Variants in CDH18 observed in about 807,000 individuals in gnomAD.
CDH18 encodes cadherin 18, also known as cadherin-18.
A neutral mutation model predicts 67.9 loss-of-function variants in CDH18; 31 were observed. The ratio of observed to expected loss-of-function variants is 0.46; its 90% CI spans 0.34 to 0.62. CDH18 has a LOEUF of 0.62. Among genes scored for constraint, CDH18 ranks in the 20% least tolerant of loss-of-function variants. The pLI is 0.01. For missense variants in CDH18, 890 were observed against 975.5 expected (o/e 0.91, Z 1.17); for synonymous variants, 362 against 347.2 (o/e 1.04, Z -0.48).
intron 2 of CDH18, among the ~76,000 whole-genome samples, chr5:20,246,150 T>C (rs190809391): frequency 1.3e-5 from 2 of 152,308 alleles, no homozygotes; most frequent in East Asian, 3.9e-4. Flanking sequence ...CAGTTTGTCT[T>C]TGAGTTAATT....
At chr5:20,323,772 G>T (rs1738268685) in intron 1 of CDH18, among the ~76,000 whole-genome samples, 1 of 152,148 alleles carries the variant, frequency 6.6e-6, no homozygotes, top group Non-Finnish European at 1.5e-5. Flanking sequence ...CTGCTGTTCT[G>T]AACATGTTTT....
At chr5:19,542,268 CAT>C (rs1398745024) in intron 9 of CDH18, among the ~76,000 whole-genome samples, 4 of 152,034 alleles carry the variant, frequency 2.6e-5, no homozygotes, top group Admixed American at 2.6e-4. Flanking sequence ...AATAAAAAGA[CAT>C]ATAGTAACAA....
chr5:20,471,833 T>TTAAAAAAAAAAAAAA (rs757184101), intron 1 of CDH18, among the ~76,000 whole-genome samples: 8 of 51,486 alleles, frequency 1.6e-4, no homozygotes, highest in African/African-American at 5.2e-4. Flanking sequence ...AGATTCAGTC[T>TTAAAAAAAAAAAAAA]AAAAAAAAAA....
chr5:19,485,745 A>G (rs774177358), intron 11 of CDH18, among the ~76,000 whole-genome samples: 1 of 152,192 alleles, frequency 6.6e-6, no homozygotes, highest in African/African-American at 2.4e-5. Flanking sequence ...AATGTGTGAA[A>G]TAAGTATTCA....
At chr5:19,640,380 G>A (rs1271851600) in intron 5 of CDH18, among the ~76,000 whole-genome samples, 1 of 152,084 alleles carries the variant, frequency 6.6e-6, no homozygotes, top group East Asian at 1.9e-4. Flanking sequence ...TTGAAATTAA[G>A]TTTTCATCAA....
intron 1 of CDH18, chr5:20,305,656 A>C (rs1165979749): frequency 4.9e-6 from 2 of 404,620 alleles, no homozygotes; most frequent in African/African-American, 2.1e-5. Flanking sequence ...GGGTGGGGGG[A>C]GCGGCGGTAG....
At chr5:19,839,602 G>C (rs1782048260) in intron 2 of CDH18, among the ~76,000 whole-genome samples, 1 of 152,014 alleles carries the variant, frequency 6.6e-6, no homozygotes, top group Non-Finnish European at 1.5e-5. Context: ...CAATCAAATA[G>C]GTACTTAAAG....
At chr5:19,509,302 T>C (rs1156583848) in intron 10 of CDH18, among the ~76,000 whole-genome samples, 1 of 151,490 alleles carries the variant, frequency 6.6e-6, no homozygotes, top group Non-Finnish European at 1.5e-5. Context: ...GGGCAGAGAG[T>C]GGGAAGGGGC....
chr5:19,966,998 A>G (rs1797510506), intron 2 of CDH18, among the ~76,000 whole-genome samples: 1 of 152,004 alleles, frequency 6.6e-6, no homozygotes, highest in South Asian at 2.1e-4. Context: ...CATCCATATA[A>G]TATATTTGCA....
chr5:20,018,419 A>C (rs563886633), intron 2 of CDH18, among the ~76,000 whole-genome samples: 21 of 152,320 alleles, frequency 1.4e-4, no homozygotes, highest in Non-Finnish European at 2.8e-4. Context: ...TCTTTTGTCT[A>C]GTGTGGAGTA....
intron 1 of CDH18, among the ~76,000 whole-genome samples, chr5:19,982,465 T>A (rs945788265): frequency 6.6e-6 from 1 of 152,162 alleles, no homozygotes; most frequent in East Asian, 1.9e-4. Context: ...TCAAGCTTAG[T>A]AAATTATATT....
chr5:20,296,227 A>G (rs1388110791), intron 1 of CDH18, among the ~76,000 whole-genome samples: 1 of 148,838 alleles, frequency 6.7e-6, no homozygotes, highest in Non-Finnish European at 1.5e-5. Context: ...TACTTCCACT[A>G]AGGTTTTTTT....
At chr5:19,803,594 G>T (rs1777693534) in intron 3 of CDH18, among the ~76,000 whole-genome samples, 1 of 152,144 alleles carries the variant, frequency 6.6e-6, no homozygotes, top group Non-Finnish European at 1.5e-5. Flanking sequence ...TTTTCCCAGC[G>T]AGTAATTCTG....
In CDH18 at chr5:19,940,992, G is replaced by C. The variant is rs541628538; in HGVS notation, c.-257+40068C>G. Among the ~76,000 whole-genome samples, 43 of 152,194 alleles carry C rather than the reference G, an allele frequency of 2.8e-4. 2 individuals carry two copies. In the South Asian group the frequency reaches 5.0e-3, roughly 18 times the overall value. ...CCCATCCTAAAGGGGGAGGGTGAAAGAAAAGTTCAGAGAGAGTAAAGTCTT... is the reference window on the plus strand; with the variant it reads ...CCCATCCTAAAGGGGGAGGGTGAAACAAAAGTTCAGAGAGAGTAAAGTCTT... On this transcript the variant is annotated intron_variant, in intron 2 of 12. Coordinates refer to ENST00000382275, the MANE Select transcript of CDH18 (RefSeq NM_004934.5).
intron 1 of CDH18, among the ~76,000 whole-genome samples, chr5:20,516,338 T>C (rs10462120): frequency 0.18 from 27,004 of 151,872 alleles, 2,905 homozygotes; most frequent in East Asian, 0.39. Flanking sequence ...AAAAAGCAGT[T>C]TGGATAGGTT....
chr5:20,061,076 G>A (rs946476835), intron 2 of CDH18, among the ~76,000 whole-genome samples: 2 of 152,084 alleles, frequency 1.3e-5, no homozygotes, highest in Non-Finnish European at 2.9e-5. Flanking sequence ...TATATGATCA[G>A]TTTGAATTTA....
chr5:20,106,356 C>T (rs1047079094), intron 2 of CDH18, among the ~76,000 whole-genome samples: 5 of 152,204 alleles, frequency 3.3e-5, no homozygotes, highest in African/African-American at 1.2e-4. Context: ...ACGCTGTTTA[C>T]ACCTGTTAAA....
At chr5:20,458,605 G>A (rs932003224) in intron 1 of CDH18, among the ~76,000 whole-genome samples, 11 of 152,100 alleles carry the variant, frequency 7.2e-5, no homozygotes, top group Admixed American at 2.6e-4. Flanking sequence ...GCAACAGAGC[G>A]AGACTTTGTC....
chr5:19,812,338 T>C (rs1209026586), intron 3 of CDH18, among the ~76,000 whole-genome samples: 1 of 152,100 alleles, frequency 6.6e-6, no homozygotes, highest in African/African-American at 2.4e-5. Flanking sequence ...CTAATAACAA[T>C]AATTATTATT....
Sources: allele counts gnomAD v4.1 joint callset (sites outside exome capture counted in the v4.1 genomes callset), GRCh38; gene constraint gnomAD v4.1.1; transcripts MANE v1.5; gene names NCBI Gene and HGNC (gene_info 2026-07-23, HGNC 2026-07-21).